The following RNF6 variants were observed in gnomAD, a reference collection of about 807,000 sequenced individuals.
RNF6 encodes the protein E3 ubiquitin-protein ligase RNF6.
In RNF6, 21 loss-of-function variants were observed where a neutral mutation model predicts 50.1. That is an observed-to-expected ratio of 0.42 (90% confidence interval 0.30 to 0.60). The LOEUF (loss-of-function observed/expected upper bound fraction) is 0.60, where lower values mean the gene tolerates loss of function less well. Ranked by LOEUF, RNF6 falls within the 20% of genes least tolerant of loss-of-function variation. The pLI, the probability that RNF6 is intolerant of heterozygous loss-of-function variation, is 0.20. For missense variants in RNF6, 698 were observed against 838.2 expected, an observed-to-expected ratio of 0.83 and a Z score of 2.07; for synonymous variants, 255 against 291.8, an observed-to-expected ratio of 0.87 and a Z score of 1.29.
At chr13:26,161,869 T>C (rs1258720897) in intron 5 of RNF6, among the ~76,000 whole-genome samples, 1 of 152,200 alleles carries the variant, frequency 6.6e-6, no homozygotes, top group Non-Finnish European at 1.5e-5. Context: ...TCTGTTCCAC[T>C]CAAAACCACC....
intron 5 of RNF6, among the ~76,000 whole-genome samples, chr13:26,170,093 T>C (rs1431169149): frequency 6.6e-6 from 1 of 152,184 alleles, no homozygotes; most frequent in African/African-American, 2.4e-5. Flanking sequence ...TTGCCCTGTA[T>C]GCCCTCAACA....
intron 5 of RNF6, among the ~76,000 whole-genome samples, chr13:26,165,056 G>A (rs867482908): frequency 6.6e-6 from 1 of 152,258 alleles, no homozygotes; most frequent in South Asian, 2.1e-4. Flanking sequence ...TAAGCCTGGA[G>A]GCCTAGGAGG....
intron 5 of RNF6, among the ~76,000 whole-genome samples, chr13:26,174,100 T>C (rs962490697): frequency 1.3e-5 from 2 of 152,180 alleles, no homozygotes; most frequent in African/African-American, 2.4e-5. Context: ...CATCCACCAG[T>C]GACAGTCCCA....
intron 5 of RNF6, among the ~76,000 whole-genome samples, chr13:26,147,765 A>G (rs758924383): frequency 3.9e-5 from 6 of 152,168 alleles, no homozygotes; most frequent in Non-Finnish European, 7.3e-5. Context: ...CAGCAATCTC[A>G]GGTCTGTGGC....
intron 5 of RNF6, among the ~76,000 whole-genome samples, chr13:26,153,105 C>T (rs116141232): frequency 6.6e-6 from 1 of 150,880 alleles, no homozygotes; most frequent in Admixed American, 6.6e-5. Context: ...GTGAGCTAAG[C>T]TCTTTCCACT....
At chr13:26,177,775 CCACTAGCTTGCATTTCTCAGCTGCA>C (rs1436076514) in intron 5 of RNF6, among the ~76,000 whole-genome samples, 1 of 152,238 alleles carries the variant, frequency 6.6e-6, no homozygotes, top group African/African-American at 2.4e-5. Flanking sequence ...CTACGGCAAG[CCACTAGCTTGCATTTCTCAGCTGCA>C]TTGGTGCAAG....
At chr13:26,158,392 G>A (rs1872048765) in intron 5 of RNF6, among the ~76,000 whole-genome samples, 1 of 152,062 alleles carries the variant, frequency 6.6e-6, no homozygotes, top group Non-Finnish European at 1.5e-5. Context: ...CTGGAAGATC[G>A]TTGTCAGCAT....
At chr13:26,222,453 G>C (rs1225514187), upstream of RNF6, 1 of 152,320 alleles carries the variant, frequency 6.6e-6, no homozygotes, top group African/African-American at 2.4e-5. Flanking sequence ...GCAGAGACAC[G>C]GTCTGCTTTC....
chr13:26,161,660 C>T (rs765744746), intron 5 of RNF6, among the ~76,000 whole-genome samples: 2 of 152,092 alleles, frequency 1.3e-5, no homozygotes, highest in African/African-American at 2.4e-5. Context: ...GACTTTATAC[C>T]TAACTAATTT....
At chr13:26,221,487 C>G (rs1870487990) in intron 1 of RNF6, 157 bp from the exon 2 acceptor site, 1 of 152,214 alleles carries the variant, frequency 6.6e-6, no homozygotes, top group African/African-American at 2.4e-5. Context: ...ACAATTAGGT[C>G]ACGAAAACCT....
intron 5 of RNF6, among the ~76,000 whole-genome samples, chr13:26,170,788 A>C (rs1158462): frequency 0.74 from 113,269 of 152,134 alleles, 42,438 homozygotes; most frequent in East Asian, 0.81. Context: ...CAACTGAATT[A>C]ACTTACAAAG....
chr13:26,145,446 G>T (rs1871175142), intron 5 of RNF6, among the ~76,000 whole-genome samples: 3 of 57,572 alleles, frequency 5.2e-5, no homozygotes, highest in African/African-American at 7.4e-5. Context: ...ACTGAATCAT[G>T]GGGAGGGGGG....
chr13:26,165,128 C>T (rs374307627), intron 5 of RNF6, among the ~76,000 whole-genome samples: 11 of 152,284 alleles, frequency 7.2e-5, no homozygotes, highest in East Asian at 5.8e-4. Flanking sequence ...AGGGACTCGG[C>T]GCCCTGCATT....
Position 26,215,181 on chromosome 13 carries a change from C to T in RNF6, c.701G>A (p.Arg234Lys). The T allele has an allele frequency of 6.2e-7, 1 of 1,614,196 alleles. No individual in the cohort carries two copies. The highest frequency in any genetic ancestry group is 8.5e-7 in the Non-Finnish European group (1 of 1,180,032). Residue 234 changes from arginine (R) to lysine (K), a missense_variant, in exon 5 of 5, where the codon AGG becomes AAG. Physicochemically the swap from Arg to Lys is conservative, Grantham distance 26 (BLOSUM62 2). Transcript: ENST00000381588. The part of the protein sequence containing the change: ...PAEGSFSTLG[R>K]LRNGIGGAAG... ...TGCTCCCCCAATTCCATTTCTTAAC[C>T]TTCCCAATGTTGAGAAAGATCCTTC...
intron 5 of RNF6, among the ~76,000 whole-genome samples, chr13:26,205,134 G>C (rs1869058116): frequency 6.6e-6 from 1 of 152,052 alleles, no homozygotes; most frequent in South Asian, 2.1e-4. Context: ...GTTAGAAGAG[G>C]TATTTCTCTG....
intron 5 of RNF6, among the ~76,000 whole-genome samples, chr13:26,148,299 T>A (rs981299347): frequency 6.6e-6 from 1 of 152,120 alleles, no homozygotes; most frequent in Non-Finnish European, 1.5e-5. Flanking sequence ...CAATTTGAGA[T>A]GAGATTTGGG....
chr13:26,172,679 C>G (rs1056570678), intron 5 of RNF6, among the ~76,000 whole-genome samples: 1 of 151,988 alleles, frequency 6.6e-6, no homozygotes, highest in African/African-American at 2.4e-5. Context: ...GAGTAGCTGG[C>G]ACTACAGGTG....
At chr13:26,177,080 T>C (rs1593168651) in intron 5 of RNF6, among the ~76,000 whole-genome samples, 1 of 152,092 alleles carries the variant, frequency 6.6e-6, no homozygotes, top group African/African-American at 2.4e-5. Context: ...CCACCAGAGC[T>C]AGGAAAAGGC....
intron 5 of RNF6, among the ~76,000 whole-genome samples, chr13:26,157,988 TAGATAGATAGA>T (rs944353006): frequency 1.4e-4 from 21 of 149,172 alleles, no homozygotes; most frequent in Non-Finnish European, 4.5e-5. Context: ...GATAGATAGA[TAGATAGATAGA>T]AGAAGTCATT....
Sources: gnomAD v4.1 joint callset for allele counts (sites outside exome capture counted in the v4.1 genomes callset) on GRCh38, gnomAD v4.1.1 for gene constraint, MANE v1.5 for transcripts, NCBI Gene and HGNC (gene_info 2026-07-23, HGNC 2026-07-21) for gene names.